Variants in CNTNAP5 observed in about 807,000 individuals in gnomAD.
CNTNAP5 encodes contactin associated protein family member 5.
Under a neutral mutation model 150.2 loss-of-function variants are expected in CNTNAP5, and 72 were observed. The observed-to-expected ratio is 0.48, with a 90% CI of 0.40 to 0.58. The LOEUF (loss-of-function observed/expected upper bound fraction) is 0.58, where lower values mean the gene tolerates loss of function less well. CNTNAP5 is among the 20% of genes least tolerant of loss of function. The pLI is 0.00. For missense variants in CNTNAP5, 1,636 were observed against 1,626.2 expected, an observed-to-expected ratio of 1.01 and a Z score of -0.10; for synonymous variants, 672 against 619.8, an observed-to-expected ratio of 1.08 and a Z score of -1.25.
At chr2:124,765,897 A>C (rs1226428226) in intron 16 of CNTNAP5, among the ~76,000 whole-genome samples, 1 of 152,128 alleles carries the variant, frequency 6.6e-6, no homozygotes, top group Non-Finnish European at 1.5e-5. Flanking sequence ...CAGAGGTTGC[A>C]GTAAGCCAAG....
intron 4 of CNTNAP5, 93 bp from the exon 5 acceptor site, chr2:124,434,391 C>A (rs1388441615): frequency 1.0e-6 from 1 of 995,838 alleles, no homozygotes; most frequent in South Asian, 1.4e-5. Flanking sequence ...AAGAACATTT[C>A]TGTGAACTGG....
chr2:124,290,534 C>A (rs1688260744), intron 3 of CNTNAP5, among the ~76,000 whole-genome samples: 1 of 152,196 alleles, frequency 6.6e-6, no homozygotes, highest in African/African-American at 2.4e-5. Context: ...ACCTCTATTT[C>A]AATTTCCATT....
intron 3 of CNTNAP5, among the ~76,000 whole-genome samples, chr2:124,324,125 T>C (rs78301122): frequency 1.3e-5 from 2 of 152,220 alleles, no homozygotes; most frequent in African/African-American, 4.8e-5. Context: ...ACAGTGAGGA[T>C]GTAGCGTGAA....
At chr2:124,467,973 T>A (rs1044364901) in intron 6 of CNTNAP5, among the ~76,000 whole-genome samples, 2 of 152,174 alleles carry the variant, frequency 1.3e-5, no homozygotes, top group African/African-American at 4.8e-5. Context: ...ACGTTCTCTC[T>A]GTACTTTTTT....
intron 3 of CNTNAP5, among the ~76,000 whole-genome samples, chr2:124,248,544 C>G (rs1687086460): frequency 6.6e-6 from 1 of 152,234 alleles, no homozygotes; most frequent in African/African-American, 2.4e-5. Context: ...AAAGCAACAG[C>G]TGGTCTTCAC....
Position 124,766,388 on chromosome 2 carries a change from G to A in CNTNAP5, c.2533+2241G>A, listed in dbSNP as rs1573603114. On this transcript the variant is annotated intron_variant, in intron 16 of 23. Coordinates refer to ENST00000682447, the MANE Select transcript of CNTNAP5 (RefSeq NM_001367498.1). ...AGCAACAGAAATTGGAAACTTGAGA[G>A]CTCCAGAAAAGGAGACAAAAAAAAA... is the stretch of plus-strand genomic sequence containing the variant. 2.0e-5 allele frequency among the ~76,000 whole-genome samples: 3 copies of A among 148,906 alleles called. No individual in the cohort carries two copies. In the South Asian group the frequency reaches 6.3e-4, roughly 31 times the overall value.
At chr2:124,649,462 C>T (rs773816856) in intron 13 of CNTNAP5, among the ~76,000 whole-genome samples, 12 of 152,080 alleles carry the variant, frequency 7.9e-5, no homozygotes, top group Non-Finnish European at 1.2e-4. Context: ...TCGGTTTGGC[C>T]GAATTGTAGG....
At chr2:124,501,423 T>C (rs1694276843) in intron 7 of CNTNAP5, among the ~76,000 whole-genome samples, 1 of 152,182 alleles carries the variant, frequency 6.6e-6, no homozygotes, top group Non-Finnish European at 1.5e-5. Flanking sequence ...GGAATGATAT[T>C]TGAGAAAGAG....
intron 1 of CNTNAP5, among the ~76,000 whole-genome samples, chr2:124,124,838 A>G (rs1200644427): frequency 6.6e-6 from 1 of 152,224 alleles, no homozygotes; most frequent in Non-Finnish European, 1.5e-5. Context: ...AGGAGAAATA[A>G]AATCCTTTAC....
chr2:124,371,293 G>A (rs557306960), intron 3 of CNTNAP5, among the ~76,000 whole-genome samples: 1 of 152,256 alleles, frequency 6.6e-6, no homozygotes, highest in African/African-American at 2.4e-5. Flanking sequence ...TATGGGAAGA[G>A]TACACTTGCT....
At chr2:124,321,272 C>T (rs1339378006) in intron 3 of CNTNAP5, among the ~76,000 whole-genome samples, 1 of 151,782 alleles carries the variant, frequency 6.6e-6, no homozygotes, top group African/African-American at 2.4e-5. Context: ...AGAAAGCCCC[C>T]GTCTCTACTA....
intron 4 of CNTNAP5, among the ~76,000 whole-genome samples, chr2:124,426,548 C>G (rs11890422): frequency 0.27 from 40,407 of 152,056 alleles, 5,816 homozygotes; most frequent in East Asian, 0.5. Context: ...CTGAAGAGTC[C>G]AAGTGGGACT....
At chr2:124,789,046 C>T (rs1014334858) in intron 17 of CNTNAP5, among the ~76,000 whole-genome samples, 1 of 152,176 alleles carries the variant, frequency 6.6e-6, no homozygotes, top group Non-Finnish European at 1.5e-5. Flanking sequence ...GGCTAATCAG[C>T]AAGTGACATG....
intron 14 of CNTNAP5, among the ~76,000 whole-genome samples, chr2:124,763,062 T>C (rs1454997099): frequency 1.3e-5 from 2 of 152,134 alleles, no homozygotes; most frequent in Non-Finnish European, 2.9e-5. Flanking sequence ...CTATTCTTTC[T>C]AAACTTTATC....
intron 3 of CNTNAP5, among the ~76,000 whole-genome samples, chr2:124,350,763 A>C (rs1314824419): frequency 2.0e-5 from 3 of 152,210 alleles, no homozygotes; most frequent in Non-Finnish European, 4.4e-5. Flanking sequence ...ACCAAAAATA[A>C]ATGATTAAGA....
rs141098975 is a variant in CNTNAP5, at chr2:124,441,382, GA to G, written c.734-5361del. On this transcript the variant is annotated intron_variant, in intron 5 of 23. Transcript: ENST00000682447. The stretch of plus-strand genomic sequence containing the variant: ...TGCTCACCCTAAAACACACAGAAAA[GA>G]AAAAAAAAATGATTATGATAAATGC... 6.3e-3 allele frequency among the ~76,000 whole-genome samples: 930 copies of G among 147,534 alleles called. 4 individuals are homozygous for G. Among genetic ancestry groups the G allele is most frequent in the African/African-American group, 8.6e-3 (346 of 40,324 alleles).
intron 3 of CNTNAP5, among the ~76,000 whole-genome samples, chr2:124,266,075 C>T (rs932824386): frequency 6.6e-6 from 1 of 152,104 alleles, no homozygotes; most frequent in Non-Finnish European, 1.5e-5. Flanking sequence ...CTTGCCAAAG[C>T]TTAGTCTCCT....
chr2:124,848,543 A>G (rs926537613), intron 19 of CNTNAP5, among the ~76,000 whole-genome samples: 7 of 152,118 alleles, frequency 4.6e-5, no homozygotes, highest in Non-Finnish European at 8.8e-5. Context: ...ATCATATAGT[A>G]GTTCTCTTTT....
intron 14 of CNTNAP5, among the ~76,000 whole-genome samples, chr2:124,759,942 T>A (rs1305083409): frequency 9.2e-6 from 1 of 108,950 alleles, no homozygotes; most frequent in Admixed American, 9.5e-5. Flanking sequence ...CTCGGTCTTT[T>A]TTTTTTTTTT....
Sources: allele counts gnomAD v4.1 joint callset (sites outside exome capture counted in the v4.1 genomes callset), GRCh38; gene constraint gnomAD v4.1.1; transcripts MANE v1.5; gene names NCBI Gene and HGNC (gene_info 2026-07-23, HGNC 2026-07-21).